LINGO2: variants seen among roughly 807,000 people sequenced by gnomAD.
LINGO2 encodes the protein leucine rich repeat and Ig domain containing 2.
Under a neutral mutation model 30.6 loss-of-function variants are expected in LINGO2, and 14 were observed. That is an observed-to-expected ratio of 0.46 (90% CI 0.30 to 0.72). The LOEUF (loss-of-function observed/expected upper bound fraction) is 0.72. Among genes scored for constraint, LINGO2 ranks in the 30% least tolerant of loss-of-function variants. LINGO2 has a pLI of 0.07. For synonymous variants in LINGO2, 317 were observed against 288.5 expected (o/e 1.10, Z -1.00); for missense variants, 729 against 751.7 (o/e 0.97, Z 0.35).
intron 1 of LINGO2, among the ~76,000 whole-genome samples, chr9:28,630,749 C>G (rs866979360): frequency 6.6e-6 from 1 of 152,048 alleles, no homozygotes. Flanking sequence ...CAAAATTCAA[C>G]CTTACATAAT....
chr9:28,495,889 T>G (rs1819602991), intron 1 of LINGO2, among the ~76,000 whole-genome samples: 1 of 152,196 alleles, frequency 6.6e-6, no homozygotes, highest in Non-Finnish European at 1.5e-5. Flanking sequence ...CAGGAACATC[T>G]TTATTTCTGC....
the LINGO2 span, among the ~76,000 whole-genome samples, chr9:29,201,274 C>T: frequency 6.6e-6 from 1 of 152,022 alleles, no homozygotes; most frequent in Non-Finnish European, 1.5e-5. Context: ...GTGTTTATAT[C>T]AGCATGAACG....
chr9:28,928,358 A>T, the LINGO2 span, among the ~76,000 whole-genome samples: 1 of 152,174 alleles, frequency 6.6e-6, no homozygotes, highest in African/African-American at 2.4e-5. Context: ...ATTAGTATCA[A>T]TATTATTTCA....
At chr9:29,110,607 T>C in the LINGO2 span, among the ~76,000 whole-genome samples, 1 of 151,736 alleles carries the variant, frequency 6.6e-6, no homozygotes, top group Non-Finnish European at 1.5e-5. Context: ...GTGCTGGGAT[T>C]ACAGGCATGA....
intron 3 of LINGO2, among the ~76,000 whole-genome samples, chr9:28,355,661 G>C (rs1820173724): frequency 6.6e-6 from 1 of 152,028 alleles, no homozygotes; most frequent in African/African-American, 2.4e-5. Flanking sequence ...TCTGGAACTT[G>C]GTTCTGCATG....
intron 2 of LINGO2, among the ~76,000 whole-genome samples, chr9:28,472,344 T>C (rs960587618): frequency 6.6e-6 from 1 of 151,934 alleles, no homozygotes; most frequent in African/African-American, 2.4e-5. Context: ...AATATGTAGG[T>C]TCACACATGA....
At chr9:28,714,966 A>G in the LINGO2 span, among the ~76,000 whole-genome samples, 1 of 152,150 alleles carries the variant, frequency 6.6e-6, no homozygotes, top group Non-Finnish European at 1.5e-5. Context: ...GAATTCTAAT[A>G]ATTTTGTTTA....
the LINGO2 span, among the ~76,000 whole-genome samples, chr9:28,876,914 T>C: frequency 1.3e-5 from 2 of 152,124 alleles, no homozygotes; most frequent in East Asian, 3.9e-4. Context: ...CAGCACCTGT[T>C]GTTTCCTGAC....
chr9:29,080,095 G>A, the LINGO2 span, among the ~76,000 whole-genome samples: 1 of 151,984 alleles, frequency 6.6e-6, no homozygotes, highest in African/African-American at 2.4e-5. Context: ...TGGTTGGTAG[G>A]CTATTAATTA....
At position 28,617,462 on chromosome 9, in the gene LINGO2, A is replaced by AT. The variant is rs1413460351; in HGVS notation, c.-365+52737dup. On this transcript the variant is annotated intron_variant, in intron 1 of 5. Coordinates refer to ENST00000379992, the Ensembl canonical transcript of LINGO2. ...AGGCGCCCACCACCACTCCTGGCTAATTTTTTGTATTTTTAGTAGAGACGG... is the reference window on the plus strand; with the variant it reads ...AGGCGCCCACCACCACTCCTGGCTAATTTTTTTGTATTTTTAGTAGAGACGG... 2.6e-5 allele frequency among the ~76,000 whole-genome samples: 4 copies of AT among 151,642 alleles called. No homozygotes were observed. The East Asian group carries it at 5.8e-4, about 22-fold the overall frequency.
At chr9:28,963,783 G>A in the LINGO2 span, among the ~76,000 whole-genome samples, 2 of 151,844 alleles carry the variant, frequency 1.3e-5, no homozygotes, top group Non-Finnish European at 2.9e-5. Context: ...AAGAGTGTGT[G>A]TAGGAAGAGG....
chr9:28,080,409 C>T (rs1825741231), intron 4 of LINGO2, among the ~76,000 whole-genome samples: 1 of 152,090 alleles, frequency 6.6e-6, no homozygotes, highest in African/African-American at 2.4e-5. Flanking sequence ...AAACTCATTC[C>T]TGCTTTAGAG....
chr9:28,352,154 T>A (rs370757652), intron 3 of LINGO2, among the ~76,000 whole-genome samples: 15 of 151,504 alleles, frequency 9.9e-5, no homozygotes, highest in African/African-American at 2.2e-4. Context: ...TGGCCAGGGC[T>A]ATTAGGCAGG....
chr9:28,362,568 T>C (rs1370315959), intron 3 of LINGO2, among the ~76,000 whole-genome samples: 1 of 152,102 alleles, frequency 6.6e-6, no homozygotes, highest in Non-Finnish European at 1.5e-5. Context: ...CCTCCCAGGT[T>C]CAAGCGATTC....
chr9:29,016,177 CATA>C, the LINGO2 span, among the ~76,000 whole-genome samples: 2 of 152,150 alleles, frequency 1.3e-5, no homozygotes, highest in African/African-American at 4.8e-5. Context: ...AAACCTAAAA[CATA>C]AAGTACCTTC....
intron 2 of LINGO2, among the ~76,000 whole-genome samples, chr9:28,388,545 T>C (rs1187862437): frequency 6.6e-6 from 1 of 152,224 alleles, no homozygotes; most frequent in Non-Finnish European, 1.5e-5. Context: ...TTTCCAATTT[T>C]ATTTGTTCCA....
chr9:28,633,264 C>A (rs1759308491), intron 1 of LINGO2, among the ~76,000 whole-genome samples: 1 of 151,964 alleles, frequency 6.6e-6, no homozygotes, highest in Admixed American at 6.6e-5. Flanking sequence ...TACTTTGTAT[C>A]CCTCAATTCA....
chr9:28,510,294 G>T (rs1470646158), intron 1 of LINGO2, among the ~76,000 whole-genome samples: 1 of 152,060 alleles, frequency 6.6e-6, no homozygotes, highest in Non-Finnish European at 1.5e-5. Flanking sequence ...GCCTTCTGTT[G>T]ACTGGAAGCC....
the LINGO2 span, among the ~76,000 whole-genome samples, chr9:28,900,525 G>T: frequency 6.6e-6 from 1 of 152,128 alleles, no homozygotes; most frequent in Non-Finnish European, 1.5e-5. Context: ...GTTTACCCAG[G>T]CTCTAAGGCC....
Sources: gnomAD v4.1 joint callset for allele counts (sites outside exome capture counted in the v4.1 genomes callset) on GRCh38, gnomAD v4.1.1 for gene constraint, MANE v1.5 for transcripts, NCBI Gene and HGNC (gene_info 2026-07-23, HGNC 2026-07-21) for gene names.